The following CGNL1 variants were observed in gnomAD, a reference collection of about 807,000 sequenced individuals.
The protein encoded by CGNL1 is cingulin like 1, also known as cingulin-like protein 1.
CGNL1 carries 132 observed loss-of-function variants against 141.2 expected under a neutral mutation model. The ratio of observed to expected loss-of-function variants is 0.93; its 90% CI spans 0.81 to 1.08. The LOEUF (loss-of-function observed/expected upper bound fraction) is 1.08, where lower values mean the gene tolerates loss of function less well. Ranked by LOEUF, CGNL1 falls within the 50% of genes least tolerant of loss-of-function variation. The probability of loss-of-function intolerance (pLI) is 0.00; values close to 1 mark genes in which losing one functional copy is unlikely to be tolerated. For missense variants in CGNL1, 1,870 were observed against 1,588.6 expected (o/e 1.18, Z -3.01); for synonymous variants, 690 against 622.1 (o/e 1.11, Z -1.63).
At chr15:57,419,465 C>T (rs2062889066) in intron 1 of CGNL1, among the ~76,000 whole-genome samples, 1 of 152,146 alleles carries the variant, frequency 6.6e-6, no homozygotes, top group African/African-American at 2.4e-5. Context: ...TGCCTGATCC[C>T]ATCCAGGATA....
At chr15:57,468,998 A>G (rs1595736701) in intron 8 of CGNL1, among the ~76,000 whole-genome samples, 1 of 152,200 alleles carries the variant, frequency 6.6e-6, no homozygotes, top group Non-Finnish European at 1.5e-5. Context: ...TGTAAGTCCA[A>G]TTAAACCCCT....
At chr15:57,532,720 C>A (rs903306185) in intron 14 of CGNL1, among the ~76,000 whole-genome samples, 2 of 152,212 alleles carry the variant, frequency 1.3e-5, no homozygotes, top group African/African-American at 4.8e-5. Context: ...AAGGCTGCAT[C>A]GTAGAGCCTA....
In CGNL1 at chr15:57,547,826, CA is replaced by C. The variant is rs1346128852; in HGVS notation, c.*339del. 1.9e-5 allele frequency: 5 copies of C among 269,840 alleles called. No homozygotes were observed. The highest frequency in any genetic ancestry group is 3.5e-5 in the Non-Finnish European group (5 of 143,642). The allele number at this position is 269,840 out of a possible 1,614,324, so 16.7% of individuals were successfully genotyped here. A position where few individuals can be genotyped will look rare whatever the true frequency, so the allele number is the denominator to read the frequency against. On this transcript the variant is annotated 3_prime_UTR_variant, in exon 19 of 19. Transcript: ENST00000281282. ...CCCCTCATCACTCCCCCTGCCAAGA[CA>C]AAGGGTCCAGAAGGCTAGGACTTAC...
chr15:57,535,639 A>G (rs1452337854), intron 14 of CGNL1, among the ~76,000 whole-genome samples: 1 of 152,254 alleles, frequency 6.6e-6, no homozygotes, highest in Non-Finnish European at 1.5e-5. Flanking sequence ...TCCAGTTTCC[A>G]TAGGAAATGA....
At chr15:57,488,501 G>A (rs532565570) in intron 8 of CGNL1, among the ~76,000 whole-genome samples, 1 of 152,116 alleles carries the variant, frequency 6.6e-6, no homozygotes, top group East Asian at 1.9e-4. Context: ...TTCTGCAGTC[G>A]AGTGAGAAGT....
At chr15:57,380,473 A>G (rs1476389109) in intron 1 of CGNL1, among the ~76,000 whole-genome samples, 1 of 152,156 alleles carries the variant, frequency 6.6e-6, no homozygotes, top group East Asian at 1.9e-4. Context: ...TTTTCTAATC[A>G]AGAGGAACAC....
At chr15:57,542,633 G>A (rs1444087367) in intron 14 of CGNL1, among the ~76,000 whole-genome samples, 1 of 151,618 alleles carries the variant, frequency 6.6e-6, no homozygotes, top group Non-Finnish European at 1.5e-5. Flanking sequence ...GCATAAAAAA[G>A]GAGAAATCTA....
chr15:57,474,979 G>A (rs921547945), intron 8 of CGNL1, among the ~76,000 whole-genome samples: 1 of 152,188 alleles, frequency 6.6e-6, no homozygotes, highest in Non-Finnish European at 1.5e-5. Flanking sequence ...CCCTGCCTCT[G>A]CCTTGACCTT....
chr15:57,438,621 C>T lies in CGNL1; in HGVS notation c.622C>T (p.Pro208Ser), dbSNP rs2063139642. 3 of 1,613,866 alleles carry T rather than the reference C, an allele frequency of 1.9e-6. No homozygotes were observed. Among genetic ancestry groups the T allele is most frequent in the Admixed American group, 1.7e-5 (1 of 59,998 alleles). ...SQPTSPSLEDPAKSGVTAIRL... is the reference protein window; with the variant it reads ...SQPTSPSLEDSAKSGVTAIRL... Reference sequence around the variant, plus strand: ...GCCTACCAGTCCCTCCTTGGAAGACCCGGCCAAATCTGGTGTGACAGCTAT... The same window carrying T: ...GCCTACCAGTCCCTCCTTGGAAGACTCGGCCAAATCTGGTGTGACAGCTAT... The change falls in exon 2 of 19, where the codon CCG becomes TCG. Residue 208 changes from proline (P) to serine (S), a missense_variant. By Grantham distance (74) the Pro-to-Ser change is moderately conservative. Transcript: ENST00000281282.
chr15:57,530,741 C>T (rs1053623862), intron 13 of CGNL1, among the ~76,000 whole-genome samples: 3 of 152,122 alleles, frequency 2.0e-5, no homozygotes, highest in Non-Finnish European at 4.4e-5. Flanking sequence ...TACCTGGGGG[C>T]CGTTCACAGA....
intron 8 of CGNL1, among the ~76,000 whole-genome samples, chr15:57,506,838 A>C (rs1253959795): frequency 1.3e-5 from 2 of 152,234 alleles, no homozygotes; most frequent in Admixed American, 1.3e-4. Context: ...AATAATGAGA[A>C]AACTGAAGTT....
chr15:57,508,560 A>T (rs1241857764), intron 8 of CGNL1, among the ~76,000 whole-genome samples: 1 of 152,258 alleles, frequency 6.6e-6, no homozygotes, highest in African/African-American at 2.4e-5. Flanking sequence ...AGAGGGGGCA[A>T]GAGCTTGCAG....
chr15:57,481,948 T>A (rs529749042), intron 8 of CGNL1, among the ~76,000 whole-genome samples: 1 of 152,348 alleles, frequency 6.6e-6, no homozygotes, highest in Admixed American at 6.5e-5. Flanking sequence ...TGTTGTATTT[T>A]AGCCATTCTG....
intron 8 of CGNL1, among the ~76,000 whole-genome samples, chr15:57,462,550 G>A (rs943293021): frequency 1.2e-4 from 18 of 152,292 alleles, no homozygotes; most frequent in African/African-American, 4.1e-4. Context: ...GAAATGTCAT[G>A]CCATCTTTAG....
intron 7 of CGNL1, among the ~76,000 whole-genome samples, chr15:57,454,308 CA>C (rs1385357293): frequency 6.6e-6 from 1 of 152,018 alleles, no homozygotes; most frequent in Non-Finnish European, 1.5e-5. Context: ...AGAACAAAGC[CA>C]AAAAAATTAA....
intron 4 of CGNL1, among the ~76,000 whole-genome samples, chr15:57,451,038 C>T (rs2063316294): frequency 6.6e-6 from 1 of 152,090 alleles, no homozygotes; most frequent in Non-Finnish European, 1.5e-5. Flanking sequence ...ACTGTCTTTA[C>T]TTACAAAAAG....
At chr15:57,516,366 G>C (rs367903133) in intron 8 of CGNL1, among the ~76,000 whole-genome samples, 3 of 152,058 alleles carry the variant, frequency 2.0e-5, no homozygotes, top group Admixed American at 1.3e-4. Context: ...GATAAGAATA[G>C]CACCCGCCTT....
chr15:57,484,022 A>T (rs1487153449), intron 8 of CGNL1, among the ~76,000 whole-genome samples: 1 of 152,170 alleles, frequency 6.6e-6, no homozygotes, highest in Non-Finnish European at 1.5e-5. Context: ...TCTTGTGTCT[A>T]TATTAATGAA....
chr15:57,440,419 C>A lies in CGNL1; in HGVS notation c.1645C>A (p.Gln549Lys), dbSNP rs2063172094. ...LLKGQQELTQ[Q>K]TNEETAKQIL... ...AAAGGGCCAGCAAGAGCTCACTCAG[C>A]AAACCAATGAGGAGACAGCTAAGCA... The change falls in exon 3 of 19, where the codon CAA (glutamine) becomes AAA (lysine). Residue 549 changes from glutamine (Q) to lysine (K), a missense_variant. Coordinates refer to ENST00000281282, the MANE Select transcript of CGNL1 (RefSeq NM_032866.5). 4 of 1,602,978 alleles carry A rather than the reference C, an allele frequency of 2.5e-6. No homozygotes were observed. The highest frequency in any genetic ancestry group is 2.6e-6 in the Non-Finnish European group (3 of 1,174,236).
Sources: allele counts gnomAD v4.1 joint callset (sites outside exome capture counted in the v4.1 genomes callset), GRCh38; gene constraint gnomAD v4.1.1; transcripts MANE v1.5; gene names NCBI Gene and HGNC (gene_info 2026-07-23, HGNC 2026-07-21).